Variants in DIAPH3 observed in about 807,000 individuals in gnomAD.
The protein encoded by DIAPH3 is protein diaphanous homolog 3.
In DIAPH3, 117 loss-of-function variants were observed where a neutral mutation model predicts 144.3. That is an observed-to-expected ratio of 0.81 (90% confidence interval 0.70 to 0.95). The LOEUF (loss-of-function observed/expected upper bound fraction) is 0.95, where lower values mean the gene tolerates loss of function less well. Ranked by LOEUF, DIAPH3 falls within the 40% of genes least tolerant of loss-of-function variation. The probability of loss-of-function intolerance (pLI) is 0.00; values close to 1 mark genes in which losing one functional copy is unlikely to be tolerated. For synonymous variants in DIAPH3, 519 were observed against 488.9 expected, an observed-to-expected ratio of 1.06 and a Z score of -0.81; for missense variants, 1,421 against 1,412.7, an observed-to-expected ratio of 1.01 and a Z score of -0.09.
chr13:59,990,254 T>C (rs1222867226), intron 12 of DIAPH3, among the ~76,000 whole-genome samples: 1 of 151,802 alleles, frequency 6.6e-6, no homozygotes, highest in African/African-American at 2.4e-5. Context: ...TTTTAACATT[T>C]TGGGTCTCCT....
intron 4 of DIAPH3, among the ~76,000 whole-genome samples, chr13:60,068,408 C>T (rs1045016746): frequency 1.3e-5 from 2 of 152,190 alleles, no homozygotes; most frequent in African/African-American, 4.8e-5. Context: ...GATATCCATA[C>T]TGTCAGTCTT....
chr13:60,013,011 A>G lies in DIAPH3; in HGVS notation c.772-2342T>C, dbSNP rs569710644. 1.6e-5 allele frequency: 16 copies of G among 985,446 alleles called. No individual in the cohort carries two copies. The Middle Eastern group carries it at 1.6e-3, about 97-fold the overall frequency. The allele number at this position is 985,446 out of a possible 1,614,324, so 61.0% of individuals were successfully genotyped here. A position where few individuals can be genotyped will look rare whatever the true frequency, so the allele number is the denominator to read the frequency against. On this transcript the variant is annotated intron_variant, in intron 7 of 27. Coordinates refer to ENST00000400324, the MANE Select transcript of DIAPH3 (RefSeq NM_001042517.2). The stretch of plus-strand genomic sequence containing the variant: ...TTTAAAAAACATAGCAAAACAAAAC[A>G]AAAACTGTTGACTCTGTGTGAGAAG...
At chr13:59,828,052 T>A (rs1156950788) in intron 24 of DIAPH3, among the ~76,000 whole-genome samples, 1 of 151,984 alleles carries the variant, frequency 6.6e-6, no homozygotes, top group Non-Finnish European at 1.5e-5. Context: ...CAACACTACA[T>A]GAATAAAGGT....
intron 4 of DIAPH3, among the ~76,000 whole-genome samples, chr13:60,050,925 T>C (rs913048490): frequency 3.3e-5 from 5 of 152,182 alleles, no homozygotes; most frequent in Admixed American, 6.5e-5. Context: ...GTCCTCAATA[T>C]GAAAATAAAT....
chr13:60,153,491 G>T (rs558006035), intron 1 of DIAPH3: 1 of 151,720 alleles, frequency 6.6e-6, no homozygotes, highest in East Asian at 1.9e-4. Context: ...ACAGTGTAAG[G>T]CTATCTGTGA....
At chr13:59,702,005 C>A (rs143665755) in intron 27 of DIAPH3, among the ~76,000 whole-genome samples, 32 of 152,294 alleles carry the variant, frequency 2.1e-4, no homozygotes, top group African/African-American at 7.2e-4. Context: ...CCTGAAGAAA[C>A]CTATTCCTTA....
At chr13:59,944,793 A>AGG (rs1566552928) in intron 17 of DIAPH3, among the ~76,000 whole-genome samples, 9 of 96,040 alleles carry the variant, frequency 9.4e-5, no homozygotes, top group African/African-American at 1.9e-4. Context: ...GTTAGAAAAA[A>AGG]AGGGGGGGGG....
chr13:59,733,432 T>G (rs943557315), intron 27 of DIAPH3, among the ~76,000 whole-genome samples: 1 of 152,142 alleles, frequency 6.6e-6, no homozygotes, highest in Non-Finnish European at 1.5e-5. Context: ...GAAAAACTAG[T>G]GTGTAACTTG....
intron 9 of DIAPH3, among the ~76,000 whole-genome samples, chr13:59,999,304 T>G (rs2052390252): frequency 1.3e-5 from 2 of 152,188 alleles, no homozygotes; most frequent in African/African-American, 4.8e-5. Context: ...TATATAATGA[T>G]AAAAAGTTAT....
In DIAPH3 at chr13:60,033,418, G is replaced by A. The variant is rs145268936; in HGVS notation, c.626+9272C>T. Among the ~76,000 whole-genome samples the A allele has an allele frequency of 3.6e-3, 551 of 152,250 alleles. 2 individuals carry two copies. Among genetic ancestry groups the A allele is most frequent in the Non-Finnish European group, 5.1e-3 (344 of 68,016 alleles). ...TCTGGGTAATTTCTAAGGAAAAGAG[G>A]TTTAATTGGCTCATGGTTCTGCAGG... On this transcript the variant is annotated intron_variant, in intron 5 of 27. Coordinates refer to ENST00000400324, the MANE Select transcript of DIAPH3 (RefSeq NM_001042517.2).
rs146669642 is a variant in DIAPH3 at position 60,139,583 on chromosome 13, G to A, written c.181-6594C>T. Among the ~76,000 whole-genome samples the A allele has an allele frequency of 7.2e-5, 11 of 152,226 alleles. No individual in the cohort carries two copies. The East Asian group carries it at 1.4e-3, about 19-fold the overall frequency. On this transcript the variant is annotated intron_variant, in intron 1 of 27. Transcript: ENST00000400324. ...ATTCAAGTGTCCACAGCAGTGAAAA[G>A]ATGCATTTCTCTGAGAACACAAGGT... is the stretch of plus-strand genomic sequence containing the variant.
chr13:60,060,209 A>G (rs760124748), intron 4 of DIAPH3, among the ~76,000 whole-genome samples: 9 of 152,094 alleles, frequency 5.9e-5, no homozygotes, highest in Non-Finnish European at 1.2e-4. Context: ...TTTCTAGATT[A>G]TTCTTCATAT....
chr13:59,800,577 G>A lies in DIAPH3; in HGVS notation c.3163+10211C>T, dbSNP rs574679393. Among the ~76,000 whole-genome samples the A allele has an allele frequency of 9.2e-5, 14 of 152,164 alleles. No individual in the cohort carries two copies. The South Asian group carries it at 1.5e-3, about 16-fold the overall frequency. Reference sequence around the variant, plus strand: ...ATTAAGACATTTTATGCTCAATCTCGGCAGATATCATGATTTAGGAAACAG... The same window carrying A: ...ATTAAGACATTTTATGCTCAATCTCAGCAGATATCATGATTTAGGAAACAG... On this transcript the variant is annotated intron_variant, in intron 25 of 27. Coordinates refer to ENST00000400324, the MANE Select transcript of DIAPH3 (RefSeq NM_001042517.2).
chr13:59,792,000 G>A (rs11843294), intron 25 of DIAPH3, among the ~76,000 whole-genome samples: 11,264 of 152,202 alleles, frequency 0.074, 549 homozygotes, highest in South Asian at 0.18. Flanking sequence ...TTAGACAACA[G>A]TGTCCTTCTG....
chr13:59,968,871 C>G (rs2050199016), intron 17 of DIAPH3, among the ~76,000 whole-genome samples: 1 of 152,176 alleles, frequency 6.6e-6, no homozygotes, highest in African/African-American at 2.4e-5. Context: ...GCCTGGCTAA[C>G]AGTCAACATT....
chr13:59,725,672 A>G (rs1017356932), intron 27 of DIAPH3, among the ~76,000 whole-genome samples: 22 of 152,174 alleles, frequency 1.4e-4, no homozygotes, highest in African/African-American at 3.4e-4. Context: ...AGTGTCACCA[A>G]TGAATTCTAC....
chr13:59,819,824 G>C (rs897975429), intron 24 of DIAPH3, among the ~76,000 whole-genome samples: 7 of 151,342 alleles, frequency 4.6e-5, no homozygotes, highest in Admixed American at 1.3e-4. Flanking sequence ...TATAATAAGA[G>C]GGTAGAAATT....
intron 5 of DIAPH3, among the ~76,000 whole-genome samples, chr13:60,031,393 G>A (rs895881702): frequency 1.3e-5 from 2 of 152,012 alleles, no homozygotes; most frequent in Admixed American, 1.3e-4. Flanking sequence ...ATTTGGGTGG[G>A]GACAAATATC....
At chr13:60,111,629 G>A (rs1161300085) in intron 3 of DIAPH3, among the ~76,000 whole-genome samples, 1 of 152,184 alleles carries the variant, frequency 6.6e-6, no homozygotes, top group South Asian at 2.1e-4. Flanking sequence ...ATGATGTGAG[G>A]TGGAACAGTT....
Sources: gnomAD v4.1 joint callset for allele counts (sites outside exome capture counted in the v4.1 genomes callset) on GRCh38, gnomAD v4.1.1 for gene constraint, MANE v1.5 for transcripts, NCBI Gene and HGNC (gene_info 2026-07-23, HGNC 2026-07-21) for gene names.